Variants in DNAJC8 observed in about 807,000 individuals in gnomAD.
DNAJC8 encodes dnaJ homolog subfamily C member 8.
Under a neutral mutation model 43.2 loss-of-function variants are expected in DNAJC8, and 24 were observed. The observed-to-expected ratio is 0.56, with a 90% confidence interval of 0.40 to 0.78. The LOEUF (loss-of-function observed/expected upper bound fraction) is 0.78. Ranked by LOEUF, DNAJC8 falls within the 30% of genes least tolerant of loss-of-function variation. The probability of loss-of-function intolerance (pLI) is 0.00; values close to 1 mark genes in which losing one functional copy is unlikely to be tolerated. For missense variants in DNAJC8, 207 were observed against 299.4 expected (o/e 0.69, Z 2.28); for synonymous variants, 83 against 98.0 (o/e 0.85, Z 0.90).
chr1:28,202,829 G>A (rs774927684), intron 8 of DNAJC8, among the ~76,000 whole-genome samples: 11 of 151,786 alleles, frequency 7.2e-5, no homozygotes, highest in Non-Finnish European at 1.5e-4. Flanking sequence ...TGATCTGCCC[G>A]CCTTGGCCTC....
chr1:28,212,252 T>A (rs1557708082), intron 3 of DNAJC8, among the ~76,000 whole-genome samples: 1 of 123,928 alleles, frequency 8.1e-6, no homozygotes, highest in Non-Finnish European at 1.6e-5. Flanking sequence ...GGTGGATACA[T>A]GAATATTCGT....
chr1:28,231,317 G>A (rs1336536211), intron 1 of DNAJC8, among the ~76,000 whole-genome samples: 1 of 152,120 alleles, frequency 6.6e-6, no homozygotes, highest in Non-Finnish European at 1.5e-5. Context: ...ATTCCAGCTT[G>A]GGCAAGAGTG....
intron 2 of DNAJC8, among the ~76,000 whole-genome samples, chr1:28,223,780 T>C (rs1313276888): frequency 6.6e-6 from 1 of 151,604 alleles, no homozygotes; most frequent in Non-Finnish European, 1.5e-5. Flanking sequence ...TTTCTAACTA[T>C]TAGAATAAAT....
chr1:28,228,533 C>CTATATACAGG, intron 2 of DNAJC8, among the ~76,000 whole-genome samples: 1 of 152,160 alleles, frequency 6.6e-6, no homozygotes, highest in East Asian at 1.9e-4. Flanking sequence ...TAAAGACAAT[C>CTATATACAGG]TATATACAGG....
chr1:28,222,530 TTTATG>T (rs1646905955), intron 2 of DNAJC8, among the ~76,000 whole-genome samples: 1 of 150,818 alleles, frequency 6.6e-6, no homozygotes, highest in Non-Finnish European at 1.5e-5. Context: ...GATGGTAAAT[TTTATG>T]TTATGTGTAT....
At chr1:28,203,487 TGTTA>T (rs1646750015) in intron 8 of DNAJC8, among the ~76,000 whole-genome samples, 1 of 152,182 alleles carries the variant, frequency 6.6e-6, no homozygotes, top group Non-Finnish European at 1.5e-5. Flanking sequence ...AGGGTGAAAC[TGTTA>T]GTGTGCTGTA....
intron 2 of DNAJC8, among the ~76,000 whole-genome samples, chr1:28,224,620 C>T (rs1646921154): frequency 6.6e-6 from 1 of 151,980 alleles, no homozygotes; most frequent in South Asian, 2.1e-4. Flanking sequence ...TGGTGGCTCA[C>T]GCCTGAAATC....
chr1:28,222,853 G>A (rs548492953), intron 2 of DNAJC8, among the ~76,000 whole-genome samples: 1 of 152,222 alleles, frequency 6.6e-6, no homozygotes, highest in East Asian at 1.9e-4. Flanking sequence ...CATAGACAGG[G>A]AGGCCAGCAC....
intron 6 of DNAJC8, 78 bp from the exon 7 acceptor site, chr1:28,205,427 A>T: frequency 1.8e-6 from 2 of 1,084,534 alleles, no homozygotes; most frequent in East Asian, 4.8e-5. Flanking sequence ...TTTCACCTGG[A>T]GTCCAAGATA....
chr1:28,212,527 C>T (rs1646822333), intron 3 of DNAJC8, among the ~76,000 whole-genome samples: 1 of 151,488 alleles, frequency 6.6e-6, no homozygotes, highest in Non-Finnish European at 1.5e-5. Context: ...AGCAATCTGC[C>T]CGACTCAATG....
At position 28,218,258 on chromosome 1, in the gene DNAJC8, G is replaced by A. The variant is rs991773343; in HGVS notation, c.181-3262C>T. Among the ~76,000 whole-genome samples the A allele has an allele frequency of 9.2e-5, 14 of 151,676 alleles. 1 individual carries two copies. The highest frequency in any genetic ancestry group is 3.4e-4 in the African/African-American group (14 of 41,122). ...TTACAGGCATGTGCCACCACGCCCG[G>A]CTCATTTTGTATTTTTAGTAGAGAC... On this transcript the variant is annotated intron_variant, in intron 2 of 8. Transcript: ENST00000263697.
In DNAJC8 at chr1:28,210,195, C is replaced by A; in HGVS notation, c.305-129G>T. On this transcript the variant is annotated intron_variant, in intron 4 of 8. Coordinates refer to ENST00000263697, the MANE Select transcript of DNAJC8 (RefSeq NM_014280.3). ...ACTTTAATTATTTACTGTCGTTAAA[C>A]TAAGTTAAAAAAAACATTCAACTAT... 4 of 784,054 alleles carry A rather than the reference C, an allele frequency of 5.1e-6. No individual in the cohort carries two copies. The Admixed American group carries it at 8.4e-5, about 16-fold the overall frequency. The allele number at this position is 784,054 out of a possible 1,614,324, so 48.6% of individuals were successfully genotyped here.
intron 8 of DNAJC8, among the ~76,000 whole-genome samples, chr1:28,203,094 G>A (rs1051904347): frequency 6.6e-6 from 1 of 152,184 alleles, no homozygotes; most frequent in African/African-American, 2.4e-5. Context: ...CTAGCGAGTT[G>A]TGTAGGGGTG....
chr1:28,204,494 G>A (rs559997652), intron 7 of DNAJC8, among the ~76,000 whole-genome samples: 29 of 151,398 alleles, frequency 1.9e-4, no homozygotes, highest in African/African-American at 7.0e-4. Context: ...CCAAGATCAT[G>A]CCATTGCACT....
chr1:28,212,210 T>TATATATATA (rs1557708014), intron 3 of DNAJC8, among the ~76,000 whole-genome samples: 15 of 109,482 alleles, frequency 1.4e-4, no homozygotes, highest in Non-Finnish European at 2.4e-4. Context: ...TATATATATA[T>TATATATATA]ATATAAATGA....
intron 1 of DNAJC8, among the ~76,000 whole-genome samples, 171 bp from the exon 2 acceptor site, chr1:28,229,194 A>C (rs770340602): frequency 9.2e-5 from 14 of 152,224 alleles, no homozygotes; most frequent in Non-Finnish European, 1.9e-4. Context: ...TTGAATTTTA[A>C]TATAAAAACC....
At chr1:28,212,168 A>AATATATATATATATATAT (rs201782610) in intron 3 of DNAJC8, among the ~76,000 whole-genome samples, 3 of 31,000 alleles carry the variant, frequency 9.7e-5, no homozygotes, top group Non-Finnish European at 2.1e-4. Flanking sequence ...TAAATAAATA[A>AATATATATATATATATAT]ATATATATAT....
At chr1:28,232,864 G>C (rs1038655919) in intron 1 of DNAJC8, 57 bp downstream of exon 1, 1 of 1,586,996 alleles carries the variant, frequency 6.3e-7, no homozygotes, top group African/African-American at 1.3e-5. Context: ...TTGTCCACTG[G>C]GAAAGCAGAT....
intron 2 of DNAJC8, among the ~76,000 whole-genome samples, chr1:28,228,687 A>G (rs750294698): frequency 8.0e-4 from 122 of 152,308 alleles, no homozygotes; most frequent in Non-Finnish European, 1.2e-3. Context: ...AGTAAGCAGA[A>G]TGTATGTATA....
Sources: gnomAD v4.1 joint callset for allele counts (sites outside exome capture counted in the v4.1 genomes callset) on GRCh38, gnomAD v4.1.1 for gene constraint, MANE v1.5 for transcripts, NCBI Gene and HGNC (gene_info 2026-07-23, HGNC 2026-07-21) for gene names.